Variants in MED17 observed in about 807,000 individuals in gnomAD.
MED17 encodes mediator complex subunit 17.
In MED17, 49 loss-of-function variants were observed where a neutral mutation model predicts 80.8. That is an observed-to-expected ratio of 0.61 (90% CI 0.48 to 0.77). The LOEUF (loss-of-function observed/expected upper bound fraction) is 0.77, where lower values mean the gene tolerates loss of function less well. Ranked by LOEUF, MED17 falls within the 30% of genes least tolerant of loss-of-function variation. The probability of loss-of-function intolerance (pLI) is 0.00; values close to 1 mark genes in which losing one functional copy is unlikely to be tolerated. For missense variants in MED17, 718 were observed against 787.0 expected (o/e 0.91, Z 1.05); for synonymous variants, 281 against 280.4 (o/e 1.00, Z -0.02).
intron 9 of MED17, chr11:93,806,697 T>C (rs1334895825): frequency 6.6e-6 from 1 of 152,240 alleles, no homozygotes; most frequent in Non-Finnish European, 1.5e-5. Context: ...AGGAAAGATG[T>C]CATCAGTATT....
chr11:93,809,956 A>G (rs1944069405), intron 11 of MED17, 80 bp downstream of exon 11: 1 of 1,399,696 alleles, frequency 7.1e-7, no homozygotes, highest in Non-Finnish European at 1.0e-6. Flanking sequence ...AAATATGGGT[A>G]AGAGTAATTT....
chr11:93,805,798 AC>A (rs2135720388), intron 9 of MED17, among the ~76,000 whole-genome samples: 1 of 152,194 alleles, frequency 6.6e-6, no homozygotes, highest in African/African-American at 2.4e-5. Flanking sequence ...AAACTTTAGT[AC>A]ATCAAAATTA....
chr11:93,784,840 G>T (rs1247958252), intron 1 of MED17, 77 bp downstream of exon 1: 24 of 1,517,842 alleles, frequency 1.6e-5, no homozygotes, highest in Non-Finnish European at 2.1e-5. Flanking sequence ...CTCCCGCGAT[G>T]GGGGTGATCT....
At chr11:93,802,110 T>G in intron 9 of MED17, 138 bp downstream of exon 9, 2 of 511,698 alleles carry the variant, frequency 3.9e-6, no homozygotes, top group Admixed American at 3.9e-5. Flanking sequence ...CTGTAGAGTG[T>G]TTTTTTTTTT....
intron 5 of MED17, 111 bp downstream of exon 5, chr11:93,794,146 T>C: frequency 1.2e-6 from 1 of 848,932 alleles, no homozygotes. Context: ...GTAAGAACAA[T>C]TCAAAATATA....
chr11:93,792,656 A>T lies in MED17; in HGVS notation c.638-1072A>T, dbSNP rs1195669158. Among the ~76,000 whole-genome samples, 8 of 152,288 alleles carry T rather than the reference A, an allele frequency of 5.3e-5. No homozygotes were observed. The East Asian group carries it at 1.5e-3, about 29-fold the overall frequency. On this transcript the variant is annotated intron_variant, in intron 3 of 11. Coordinates refer to ENST00000251871, the MANE Select transcript of MED17 (RefSeq NM_004268.5). ...AAAACACATCACATAAAATCTAGGA[A>T]CTGGGCTGGGCATGGGGGCTCACAC...
chr11:93,796,458 C>G lies in MED17; in HGVS notation c.1061C>G (p.Ser354Cys). The change falls in exon 7 of 12, where the codon TCC (serine) becomes TGC (cysteine). Residue 354 changes from serine (S) to cysteine (C), a missense_variant. Coordinates refer to ENST00000251871, the MANE Select transcript of MED17 (RefSeq NM_004268.5). ...TGCCATTCCTCAAATGATAAGAAATCCCAAAAATTTGCTACTGAGAAGCAA... is the reference window on the plus strand; with the variant it reads ...TGCCATTCCTCAAATGATAAGAAATGCCAAAAATTTGCTACTGAGAAGCAA... ...SLCHSSNDKK[S>C]QKFATEKQCP... The G allele has an allele frequency of 6.2e-7, 1 of 1,613,502 alleles. No homozygotes were observed. Among genetic ancestry groups the G allele is most frequent in the Non-Finnish European group, 8.5e-7 (1 of 1,179,474 alleles).
Position 93,790,712 on chromosome 11 carries a change from G to C in MED17, c.556G>C (p.Glu186Gln). 6.2e-7 allele frequency: 1 copy of C among 1,614,232 alleles called. No homozygotes were observed. Among genetic ancestry groups the C allele is most frequent in the Non-Finnish European group, 8.5e-7 (1 of 1,180,038 alleles). ...CAAGCTACAAAGAGACTTCAATTCT[G>C]AGCTTTTGCGATTACGGCAACACTG... is the stretch of plus-strand genomic sequence containing the variant. ...ENKLQRDFNSELLRLRQHWKL... is the reference protein window; with the variant it reads ...ENKLQRDFNSQLLRLRQHWKL... The change falls in exon 3 of 12, where the codon GAG becomes CAG. Residue 186 changes from glutamate (E) to glutamine (Q), a missense_variant. By Grantham distance (29) the Glu-to-Gln change is conservative. Transcript: ENST00000251871.
intron 3 of MED17, among the ~76,000 whole-genome samples, chr11:93,792,747 G>A (rs1464326702): frequency 6.6e-6 from 1 of 151,990 alleles, no homozygotes; most frequent in Non-Finnish European, 1.5e-5. Context: ...TTCAAAACCA[G>A]ACTGAACAAC....
chr11:93,791,026 T>C (rs1943830682), intron 3 of MED17, among the ~76,000 whole-genome samples: 1 of 152,200 alleles, frequency 6.6e-6, no homozygotes, highest in South Asian at 2.1e-4. Context: ...GAGAATTGCT[T>C]GAACCCAGGA....
At position 93,793,857 on chromosome 11, in the gene MED17, A is replaced by C. The variant is rs761063422; in HGVS notation, c.767A>C (p.Tyr256Ser). Residue 256 changes from tyrosine (Y) to serine (S), a missense_variant, in exon 4 of 12, where the codon TAT becomes TCT. Physicochemically the swap from Tyr to Ser is moderately radical, Grantham distance 144. Coordinates refer to ENST00000251871, the MANE Select transcript of MED17 (RefSeq NM_004268.5). ...CCTAGTGATTTAGAGGGGTCTGCAT[A>C]TATCAAGGTATTTGTCAAAATATTT... ...QIPSDLEGSA[Y>S]IKVSIQKQAP... 2 of 1,613,554 alleles carry C rather than the reference A, an allele frequency of 1.2e-6. No homozygotes were observed. The highest frequency in any genetic ancestry group is 1.7e-6 in the Non-Finnish European group (2 of 1,179,536).
intron 8 of MED17, chr11:93,801,602 A>G (rs769678304): frequency 2.0e-6 from 1 of 506,472 alleles, no homozygotes; most frequent in Non-Finnish European, 3.6e-6. Flanking sequence ...AATCATGATA[A>G]TCAGGGGTGT....
intron 9 of MED17, among the ~76,000 whole-genome samples, chr11:93,802,792 C>G (rs1943976482): frequency 6.6e-6 from 1 of 152,124 alleles, no homozygotes; most frequent in Admixed American, 6.5e-5. Context: ...AACTGTGTGT[C>G]TGTGAAGGAG....
At position 93,807,559 on chromosome 11, in the gene MED17, G is replaced by A. The variant is rs780182418; in HGVS notation, c.1508G>A (p.Arg503Gln). 4 of 1,613,212 alleles carry A rather than the reference G, an allele frequency of 2.5e-6. No homozygotes were observed. Among genetic ancestry groups the A allele is most frequent in the South Asian group, 2.2e-5 (2 of 91,054 alleles). ...LQLNIGVEQI[R>Q]VVHRDGRVIT... The stretch of plus-strand genomic sequence containing the variant: ...TTGAATATTGGAGTTGAGCAGATTC[G>A]AGTTGTACATAGAGATGGAAGAGTA... The change falls in exon 10 of 12, where the codon CGA (arginine) becomes CAA (glutamine). Residue 503 changes from arginine to glutamine, a missense_variant. Arg to Gln is a conservative substitution (Grantham distance 43). Transcript: ENST00000251871.
At chr11:93,794,433 A>G (rs11825552) in intron 5 of MED17, 6 of 250,696 alleles carry the variant, frequency 2.4e-5, no homozygotes, top group Admixed American at 5.2e-5. Context: ...CGAACACCCA[A>G]CCTCAGGTAA....
intron 3 of MED17, chr11:93,793,271 A>AG (rs1943860958): frequency 5.6e-6 from 1 of 179,246 alleles, no homozygotes; most frequent in Non-Finnish European, 1.2e-5. Context: ...ATGTGCCACC[A>AG]CGCCCAGTTA....
rs371828186 is a variant in MED17 at position 93,784,604 on chromosome 11, C to T, written c.91C>T (p.Leu31=). 35 of 1,602,910 alleles carry T rather than the reference C, an allele frequency of 2.2e-5. No individual in the cohort carries two copies. The highest frequency in any genetic ancestry group is 1.6e-4 in the Middle Eastern group (1 of 6,062). Residue 31 remains leucine, a synonymous_variant, in exon 1 of 12, where the codon CTG becomes TTG. Transcript: ENST00000251871. The part of the protein sequence containing the change: ...EVGLDGTETY[L]PPLSMSQNLA... The stretch of plus-strand genomic sequence containing the variant: ...GGGCCTGGATGGCACCGAGACGTAC[C>T]TGCCCCCGCTGTCCATGTCGCAGAA...
chr11:93,788,255 C>A (rs1222185167), intron 2 of MED17, 88 bp downstream of exon 2: 1 of 1,153,120 alleles, frequency 8.7e-7, no homozygotes, highest in Non-Finnish European at 1.2e-6. Flanking sequence ...TTCCATTTTC[C>A]TTTCTTGCAA....
intron 9 of MED17, among the ~76,000 whole-genome samples, chr11:93,804,061 A>G (rs928158111): frequency 2.7e-5 from 4 of 148,980 alleles, no homozygotes; most frequent in Non-Finnish European, 5.9e-5. Context: ...ACACACACAC[A>G]TAAAGGGGAG....
Sources: allele counts gnomAD v4.1 joint callset (sites outside exome capture counted in the v4.1 genomes callset), GRCh38; gene constraint gnomAD v4.1.1; transcripts MANE v1.5; gene names NCBI Gene and HGNC (gene_info 2026-07-23, HGNC 2026-07-21).